Variants in WDR86 observed in about 807,000 individuals in gnomAD.
WDR86 encodes WD repeat domain 86.
In WDR86, 30 loss-of-function variants were observed where a neutral mutation model predicts 36.5. The observed-to-expected ratio is 0.82, with a 90% CI of 0.61 to 1.11. The LOEUF (loss-of-function observed/expected upper bound fraction) is 1.11. Among genes scored for constraint, WDR86 ranks in the 50% most tolerant of loss-of-function variants. The pLI is 0.00. For missense variants in WDR86, 545 were observed against 561.2 expected, an observed-to-expected ratio of 0.97 and a Z score of 0.29; for synonymous variants, 255 against 252.9, an observed-to-expected ratio of 1.01 and a Z score of -0.08.
chr7:151,389,421 G>A (rs1799241625), intron 3 of WDR86, among the ~76,000 whole-genome samples: 2 of 152,216 alleles, frequency 1.3e-5, no homozygotes, highest in Admixed American at 6.5e-5. Flanking sequence ...AGACACCACA[G>A]CTCAAACGCA....
chr7:151,410,616 C>T (rs1475950884), upstream of WDR86: 6 of 152,264 alleles, frequency 3.9e-5, no homozygotes, highest in Non-Finnish European at 8.8e-5. Context: ...CGGGCTCCCT[C>T]GGCCTGGGGC....
intron 3 of WDR86, among the ~76,000 whole-genome samples, chr7:151,385,811 C>T (rs932808284): frequency 1.3e-5 from 2 of 152,128 alleles, no homozygotes; most frequent in African/African-American, 2.4e-5. Flanking sequence ...GCAGGAGGTA[C>T]GGAGAGGGCC....
intron 1 of WDR86, among the ~76,000 whole-genome samples, chr7:151,407,588 C>G (rs1360687562): frequency 6.6e-6 from 1 of 152,226 alleles, no homozygotes; most frequent in Non-Finnish European, 1.5e-5. Flanking sequence ...CTTGTAATCT[C>G]AGCACTTCGG....
chr7:151,380,925 G>T (rs865835536), downstream of WDR86, among the ~76,000 whole-genome samples: 1 of 151,990 alleles, frequency 6.6e-6, no homozygotes, highest in African/African-American at 2.4e-5. Context: ...CTTGCTCCCC[G>T]GCCTCTTCCC....
downstream of WDR86, chr7:151,374,083 C>T: frequency 6.5e-7 from 1 of 1,548,570 alleles, no homozygotes; most frequent in Non-Finnish European, 8.7e-7. Context: ...TGGGACTTTG[C>T]TGTTTTCCTA....
rs931031227 is a variant in WDR86 at position 151,406,251 on chromosome 7, C to T, written c.163+3176G>A. On this transcript the variant is annotated intron_variant, in intron 1 of 5. Coordinates refer to ENST00000334493, the MANE Select transcript of WDR86 (RefSeq NM_198285.3). This position sits in a 1 kb window ranked among gnomAD's most constrained non-coding sequence, Gnocchi z 4.4. ...GGGAGCAGCACCTCACCCACCAACC[C>T]CGCACGCCACAGGGAACGGCCTTCA... Among the ~76,000 whole-genome samples the T allele has an allele frequency of 3.3e-5, 5 of 152,200 alleles. No homozygotes were observed. The highest frequency in any genetic ancestry group is 1.2e-4 in the African/African-American group (5 of 41,436).
downstream of WDR86, among the ~76,000 whole-genome samples, chr7:151,372,748 G>A (rs1338723143): frequency 6.6e-6 from 1 of 152,138 alleles, no homozygotes; most frequent in African/African-American, 2.4e-5. Context: ...GGGCTTTCAG[G>A]TAGGTGACTG....
At chr7:151,397,229 CT>C (rs991647041) in intron 2 of WDR86, among the ~76,000 whole-genome samples, 1 of 152,212 alleles carries the variant, frequency 6.6e-6, no homozygotes, top group Non-Finnish European at 1.5e-5. Flanking sequence ...CCGCGAAGGG[CT>C]TGCTGGCCAG....
chr7:151,395,616 A>G (rs1352813839), intron 3 of WDR86, among the ~76,000 whole-genome samples, 160 bp downstream of exon 3: 2 of 152,150 alleles, frequency 1.3e-5, no homozygotes, highest in Middle Eastern at 3.2e-3. Flanking sequence ...CTTATCTTGG[A>G]TTCCCAGCCC....
intron 1 of WDR86, among the ~76,000 whole-genome samples, chr7:151,407,149 C>T (rs1584798263): frequency 6.6e-6 from 1 of 152,226 alleles, no homozygotes; most frequent in African/African-American, 2.4e-5. Flanking sequence ...CAAAATGGGC[C>T]ACAGTTCTTT....
intron 1 of WDR86, among the ~76,000 whole-genome samples, chr7:151,403,360 A>G (rs1463683012): frequency 6.6e-6 from 1 of 152,234 alleles, no homozygotes; most frequent in Non-Finnish European, 1.5e-5. Flanking sequence ...TCAAACATCC[A>G]CACATTTGGG....
rs1799154084 is a variant in WDR86 at position 151,388,509 on chromosome 7, C to T, written c.727-3286G>A. On this transcript the variant is annotated intron_variant, in intron 3 of 5. Coordinates refer to ENST00000334493, the MANE Select transcript of WDR86 (RefSeq NM_198285.3). This position sits in a 1 kb window ranked among gnomAD's most constrained non-coding sequence, Gnocchi z 4.2. Reference sequence around the variant, plus strand: ...CCTGGCTTTTTGACCTTGGGTTTGTCGCTTAGAAGCAGGTCCTCACACCAT... The same window carrying T: ...CCTGGCTTTTTGACCTTGGGTTTGTTGCTTAGAAGCAGGTCCTCACACCAT... 1.3e-5 allele frequency among the ~76,000 whole-genome samples: 2 copies of T among 152,264 alleles called. No homozygotes were observed. Among genetic ancestry groups the T allele is most frequent in the South Asian group, 2.1e-4 (1 of 4,832 alleles).
At chr7:151,374,059 T>A (rs1306852743), downstream of WDR86, 1 of 1,530,220 alleles carries the variant, frequency 6.5e-7, no homozygotes, top group Admixed American at 2.1e-5. Context: ...GAAATCTCAG[T>A]CCCTAACTTG....
chr7:151,391,073 G>A (rs955213440), intron 3 of WDR86, among the ~76,000 whole-genome samples: 1 of 152,240 alleles, frequency 6.6e-6, no homozygotes, highest in African/African-American at 2.4e-5. Flanking sequence ...TCCTGGACCC[G>A]AGAGGGCCAA....
At chr7:151,395,374 C>A (rs1238435494) in intron 3 of WDR86, among the ~76,000 whole-genome samples, 2 of 152,202 alleles carry the variant, frequency 1.3e-5, no homozygotes, top group Non-Finnish European at 2.9e-5. Flanking sequence ...CTACCCCACC[C>A]CTGTACCTAT....
At chr7:151,372,929 A>G (rs1416306225), downstream of WDR86, among the ~76,000 whole-genome samples, 3 of 152,146 alleles carry the variant, frequency 2.0e-5, no homozygotes, top group Admixed American at 6.5e-5. Flanking sequence ...TTCTCCTGTG[A>G]TAGAGACAGG....
downstream of WDR86, chr7:151,375,755 C>T (rs78815323): frequency 4.7e-3 from 3,812 of 817,554 alleles, 17 homozygotes; most frequent in Non-Finnish European, 6.3e-3. Context: ...CAGAGGACGG[C>T]GGGGTCTGCC....
At chr7:151,375,050 GGGGTGGGGTGCA>G (rs1798150334), downstream of WDR86, among the ~76,000 whole-genome samples, 4 of 151,516 alleles carry the variant, frequency 2.6e-5, no homozygotes, top group South Asian at 8.3e-4. Context: ...GGGGTTGGAG[GGGGTGGGGTGCA>G]GGGCAGGTGT....
Position 151,381,618 on chromosome 7 carries a change from C to T in WDR86, c.1095G>A (p.Lys365=). The T allele has an allele frequency of 1.5e-6, 2 of 1,379,224 alleles. No individual in the cohort carries two copies. The highest frequency in any genetic ancestry group is 1.9e-6 in the Non-Finnish European group (2 of 1,077,610). The allele number at this position is 1,379,224 out of a possible 1,614,324, so 85.4% of individuals were successfully genotyped here. ...MRSLSRLFSN[K]VGCAAAPLQP... Reference sequence around the variant, plus strand: ...GCAGGGGCGCGGCGGCGCAGCCCACCTTGTTGCTGAAGAGCCGCGAGAGGC... The same window carrying T: ...GCAGGGGCGCGGCGGCGCAGCCCACTTTGTTGCTGAAGAGCCGCGAGAGGC... The change falls in exon 6 of 6, where the codon AAG becomes AAA. Residue 365 remains lysine (K), a synonymous_variant. Coordinates refer to ENST00000334493, the MANE Select transcript of WDR86 (RefSeq NM_198285.3). The surrounding 1 kb of genome is among the most constrained non-coding windows in gnomAD (Gnocchi z 4.8).
Sources: gnomAD v4.1 joint callset for allele counts (sites outside exome capture counted in the v4.1 genomes callset) on GRCh38, gnomAD v4.1.1 for gene constraint, Gnocchi (gnomAD v3.1) non-coding constraint, MANE v1.5 for transcripts, NCBI Gene and HGNC (gene_info 2026-07-23, HGNC 2026-07-21) for gene names.